CENPE: variants seen among roughly 807,000 people sequenced by gnomAD.
The protein encoded by CENPE is centromere protein E, also known as centromere-associated protein E.
In CENPE, 145 loss-of-function variants were observed where a neutral mutation model predicts 336.1. That is an observed-to-expected ratio of 0.43 (90% CI 0.38 to 0.50). CENPE has a LOEUF of 0.50. Ranked by LOEUF, CENPE falls within the 20% of genes least tolerant of loss-of-function variation. The pLI is 0.00. For missense variants in CENPE, 2,719 were observed against 3,023.3 expected (o/e 0.90, Z 2.36); for synonymous variants, 1,013 against 984.8 (o/e 1.03, Z -0.54).
At chr4:103,189,894 C>T (rs1413275814) in intron 8 of CENPE, among the ~76,000 whole-genome samples, 1 of 152,156 alleles carries the variant, frequency 6.6e-6, no homozygotes, top group African/African-American at 2.4e-5. Context: ...TAGAAAACCC[C>T]ATCGTCTCAG....
At position 103,140,256 on chromosome 4, in the gene CENPE, CT is replaced by C; in HGVS notation, c.5912del (p.Lys1971ArgfsTer15). ...AAAAGAAGAACAAAACAACACATAC[CT>C]TTTTCTGTAATTCATCTTTTGATTT... ...LDKSKDELQK[K>X]IQELQKKELQ... is the part of the protein sequence containing the mutation. On this transcript the variant is annotated frameshift_variant and splice_region_variant, in exon 37 of 49. Transcript: ENST00000265148. LOFTEE classifies it high-confidence loss of function. The C allele has an allele frequency of 6.3e-7, 1 of 1,588,078 alleles. No homozygotes were observed.
intron 16 of CENPE, among the ~76,000 whole-genome samples, chr4:103,167,626 T>C (rs960254111): frequency 6.6e-6 from 1 of 152,240 alleles, no homozygotes. Flanking sequence ...TACAGACAAG[T>C]CTTTTTGTGG....
chr4:103,114,382 A>G (rs1452771149), intron 46 of CENPE, 73 bp downstream of exon 46: 3 of 882,910 alleles, frequency 3.4e-6, no homozygotes, highest in African/African-American at 3.3e-5. Flanking sequence ...ATACTACATA[A>G]TATTAGTCTT....
intron 32 of CENPE, 96 bp from the exon 33 acceptor site, chr4:103,144,714 A>G (rs1228957600): frequency 2.5e-6 from 2 of 789,814 alleles, no homozygotes; most frequent in Non-Finnish European, 4.0e-6. Flanking sequence ...TTACATTGTA[A>G]TCTAATGTAT....
At chr4:103,127,463 A>G (rs1296864990) in intron 42 of CENPE, among the ~76,000 whole-genome samples, 1 of 152,168 alleles carries the variant, frequency 6.6e-6, no homozygotes, top group African/African-American at 2.4e-5. Flanking sequence ...AGTTCTTCAG[A>G]GGAAAGGAAA....
At chr4:103,171,684 T>TTA (rs1209548432) in intron 16 of CENPE, among the ~76,000 whole-genome samples, 1 of 148,170 alleles carries the variant, frequency 6.7e-6, no homozygotes, top group East Asian at 1.9e-4. Context: ...AATAGGGACT[T>TTA]TAAAAAAATC....
At chr4:103,131,271 T>A (rs1437759001) in intron 42 of CENPE, among the ~76,000 whole-genome samples, 1 of 152,050 alleles carries the variant, frequency 6.6e-6, no homozygotes, top group Non-Finnish European at 1.5e-5. Context: ...CTGACTAAAA[T>A]AAGGGCAACA....
chr4:103,149,721 G>C (rs1395457106), intron 26 of CENPE, among the ~76,000 whole-genome samples: 2 of 152,192 alleles, frequency 1.3e-5, no homozygotes, highest in Non-Finnish European at 2.9e-5. Flanking sequence ...AGACATAAAA[G>C]CACATAGAGA....
intron 33 of CENPE, among the ~76,000 whole-genome samples, chr4:103,144,025 C>A (rs917040374): frequency 6.6e-6 from 1 of 152,122 alleles, no homozygotes; most frequent in Admixed American, 6.5e-5. Flanking sequence ...CAACCTCCGC[C>A]TCCTGGGTTC....
intron 42 of CENPE, among the ~76,000 whole-genome samples, chr4:103,130,892 A>C (rs1001687262): frequency 1.4e-5 from 2 of 147,628 alleles, no homozygotes; most frequent in Non-Finnish European, 3.0e-5. Context: ...AATTGTGCTG[A>C]ATCTGGACTT....
chr4:103,134,138 C>G (rs2125901492), intron 40 of CENPE, among the ~76,000 whole-genome samples: 1 of 152,292 alleles, frequency 6.6e-6, no homozygotes, highest in South Asian at 2.1e-4. Flanking sequence ...TCTTGGATGT[C>G]TTACAAGTAC....
intron 8 of CENPE, among the ~76,000 whole-genome samples, chr4:103,187,480 TG>T (rs1553938432): frequency 6.6e-6 from 1 of 152,034 alleles, no homozygotes; most frequent in Non-Finnish European, 1.5e-5. Flanking sequence ...CAGAAGAGAG[TG>T]GGGGCCAATA....
In CENPE at chr4:103,145,643, A is replaced by G. The variant is rs1377747668; in HGVS notation, c.4452T>C (p.Cys1484=). The G allele has an allele frequency of 6.2e-7, 1 of 1,605,580 alleles. No homozygotes were observed. Residue 1484 remains cysteine, a synonymous_variant, in exon 31 of 49, where the codon TGT becomes TGC. Coordinates refer to ENST00000265148, the MANE Select transcript of CENPE (RefSeq NM_001813.3). ...ETEEELKVAH[C]CLKEQEETIN... ...TAGTTTCCTCTTGTTCTTTCAGGCA[A>G]CAATGAGCAACTTTAAGTTCCTCTT...
At chr4:103,129,673 G>A (rs1353110455) in intron 42 of CENPE, among the ~76,000 whole-genome samples, 6 of 151,990 alleles carry the variant, frequency 3.9e-5, no homozygotes, top group African/African-American at 9.7e-5. Flanking sequence ...GCCGTGTGCC[G>A]AGATTGTGCC....
At chr4:103,194,335 T>G (rs1757581062) in intron 7 of CENPE, 39 bp downstream of exon 7, 3 of 1,609,194 alleles carry the variant, frequency 1.9e-6, no homozygotes, top group Non-Finnish European at 2.6e-6. Context: ...TAGTGCATTC[T>G]TACTTGGAAA....
At position 103,116,583 on chromosome 4, in the gene CENPE, T is replaced by A. The variant is rs1235453664; in HGVS notation, c.7436A>T (p.Glu2479Val). ...LEKMKNAKEFEKEISATKATV... is the reference protein window; with the variant it reads ...LEKMKNAKEFVKEISATKATV... ...AATTAAGACAAATACGTACTCCTTT[T>A]CAAATTCTTTGGCATTTTTCATTTT... Residue 2479 changes from glutamate to valine, a missense_variant, in exon 45 of 49, where the codon GAA becomes GTA. By Grantham distance (121) the Glu-to-Val change is moderately radical. Around this residue, in one of 5 missense-constraint regions of CENPE, gnomAD observed 2,437 missense variants for 2,513.3 expected, o/e 0.97. Transcript: ENST00000265148. The A allele has an allele frequency of 6.6e-7, 1 of 1,512,388 alleles. No individual in the cohort carries two copies. The highest frequency in any genetic ancestry group is 1.4e-5 in the African/African-American group (1 of 71,478). The allele number at this position is 1,512,388 out of a possible 1,614,324, so 93.7% of individuals were successfully genotyped here. A position where few individuals can be genotyped will look rare whatever the true frequency, so the allele number is the denominator to read the frequency against.
chr4:103,183,338 T>A (rs779640816), intron 9 of CENPE, 50 bp from the exon 10 acceptor site: 40 of 1,430,630 alleles, frequency 2.8e-5, no homozygotes, highest in Non-Finnish European at 3.9e-5. Context: ...CTTTTCTAGA[T>A]GATAAACTTA....
chr4:103,135,738 T>C (rs371520430), intron 40 of CENPE, among the ~76,000 whole-genome samples: 1 of 149,256 alleles, frequency 6.7e-6, no homozygotes, highest in Admixed American at 6.8e-5. Flanking sequence ...AACAATAGTC[T>C]AATGATTCCC....
At chr4:103,169,220 G>C (rs1374596111) in intron 16 of CENPE, among the ~76,000 whole-genome samples, 1 of 151,288 alleles carries the variant, frequency 6.6e-6, no homozygotes, top group African/African-American at 2.4e-5. Flanking sequence ...GCTTGAGACA[G>C]GCTATTTTAA....
Sources: allele counts gnomAD v4.1 joint callset (sites outside exome capture counted in the v4.1 genomes callset), GRCh38; gene constraint gnomAD v4.1.1; regional missense constraint gnomAD v4.1.1; transcripts MANE v1.5; gene names NCBI Gene and HGNC (gene_info 2026-07-23, HGNC 2026-07-21).